BTLA: variants seen among roughly 807,000 people sequenced by gnomAD.
BTLA encodes B- and T-lymphocyte attenuator.
In BTLA, 11 loss-of-function variants were observed where a neutral mutation model predicts 25.0. The observed-to-expected ratio is 0.44, with a 90% confidence interval of 0.28 to 0.73. The LOEUF (loss-of-function observed/expected upper bound fraction) is 0.73. Ranked by LOEUF, BTLA falls within the 30% of genes least tolerant of loss-of-function variation. BTLA has a pLI of 0.15. For synonymous variants in BTLA, 104 were observed against 119.8 expected (o/e 0.87, Z 0.86); for missense variants, 282 against 332.8 (o/e 0.85, Z 1.19).
chr3:112,499,340 T>C lies in BTLA; in HGVS notation c.19A>G (p.Met7Val). 6.2e-7 allele frequency: 1 copy of C among 1,613,778 alleles called. No homozygotes were observed. The highest frequency in any genetic ancestry group is 1.1e-5 in the South Asian group (1 of 91,042). Reference protein sequence around the residue: MKTLPAMLGTGKLFWVF... With the variant: MKTLPAVLGTGKLFWVF... ...CAAAATAATTTCCCAGTTCCAAGCA[T>C]GGCAGGCAATGTCTTCATTTCCTGC... is the stretch of plus-strand genomic sequence containing the variant. Residue 7 changes from methionine to valine, a missense_variant, in exon 1 of 5, where the codon ATG becomes GTG. Met to Val is a conservative substitution (Grantham distance 21, BLOSUM62 1). Coordinates refer to ENST00000334529, the MANE Select transcript of BTLA (RefSeq NM_181780.4).
chr3:112,471,732 G>T (rs1358023499), intron 2 of BTLA, among the ~76,000 whole-genome samples: 1 of 152,174 alleles, frequency 6.6e-6, no homozygotes, highest in Non-Finnish European at 1.5e-5. Flanking sequence ...GTTGCTCCAA[G>T]TCAGATAGCT....
chr3:112,479,778 TAAAAAC>T lies in BTLA; in HGVS notation c.89-15_89-10del, dbSNP rs1481788665. The T allele has an allele frequency of 3.2e-6, 5 of 1,563,448 alleles. No homozygotes were observed. Among genetic ancestry groups the T allele is most frequent in the East Asian group, 2.3e-5 (1 of 44,312 alleles). ...ATCACATGATTCTTTCCCTAAAAGA[TAAAAAC>T]AAAACTAAAATCAAATATGTTCTTC... On this transcript the variant is annotated splice_polypyrimidine_tract_variant and intron_variant, in intron 1 of 4. Coordinates refer to ENST00000334529, the MANE Select transcript of BTLA (RefSeq NM_181780.4).
intron 4 of BTLA, 70 bp downstream of exon 4, chr3:112,469,688 T>C: frequency 1.6e-6 from 2 of 1,224,678 alleles, no homozygotes; most frequent in Non-Finnish European, 2.3e-6. Flanking sequence ...GTTATATAAA[T>C]TCATTGAATA....
intron 1 of BTLA, among the ~76,000 whole-genome samples, chr3:112,495,520 T>A (rs532708800): frequency 6.6e-6 from 1 of 152,330 alleles, no homozygotes; most frequent in African/African-American, 2.4e-5. Context: ...AGGAAAAGTA[T>A]ATTCAAGGCT....
chr3:112,481,538 C>G (rs558751592), intron 1 of BTLA, among the ~76,000 whole-genome samples: 8 of 152,316 alleles, frequency 5.3e-5, no homozygotes, highest in Non-Finnish European at 8.8e-5. Context: ...GGGCAGCAAG[C>G]CTGTAAAGGG....
chr3:112,475,665 G>A lies in BTLA; in HGVS notation c.403+3790C>T, dbSNP rs933644148. On this transcript the variant is annotated intron_variant, in intron 2 of 4. Coordinates refer to ENST00000334529, the MANE Select transcript of BTLA (RefSeq NM_181780.4). ...AACTTCTGACCTTTCATCTGACCTT[G>A]GCTAAATTCATGTCTCGTATAGAAG... is the stretch of plus-strand genomic sequence containing the variant. Among the ~76,000 whole-genome samples the A allele has an allele frequency of 2.6e-5, 4 of 152,048 alleles. 1 individual carries two copies. The highest frequency in any genetic ancestry group is 9.7e-5 in the African/African-American group (4 of 41,402).
intron 3 of BTLA, among the ~76,000 whole-genome samples, chr3:112,470,649 C>A (rs2107310436): frequency 6.6e-6 from 1 of 152,262 alleles, no homozygotes; most frequent in East Asian, 1.9e-4. Context: ...CACACCATTC[C>A]CATCATAGCC....
intron 4 of BTLA, among the ~76,000 whole-genome samples, chr3:112,468,900 T>C (rs1353261141): frequency 6.6e-6 from 1 of 152,162 alleles, no homozygotes; most frequent in Non-Finnish European, 1.5e-5. Flanking sequence ...TGCCATTTAA[T>C]ATTATATATA....
intron 1 of BTLA, among the ~76,000 whole-genome samples, chr3:112,493,616 C>G (rs2082392230): frequency 6.6e-6 from 1 of 152,172 alleles, no homozygotes; most frequent in African/African-American, 2.4e-5. Context: ...GCAATTCTGC[C>G]TCAGCCTCCC....
At chr3:112,487,344 G>A (rs2082353928) in intron 1 of BTLA, among the ~76,000 whole-genome samples, 1 of 152,182 alleles carries the variant, frequency 6.6e-6, no homozygotes, top group Non-Finnish European at 1.5e-5. Flanking sequence ...CAGCACTTTG[G>A]GAGGCCAGGG....
Position 112,466,099 on chromosome 3 carries a change from G to T in BTLA, c.*9C>A. The T allele has an allele frequency of 6.4e-7, 1 of 1,572,654 alleles. No homozygotes were observed. The highest frequency in any genetic ancestry group is 1.2e-5 in the South Asian group (1 of 85,722). On this transcript the variant is annotated 3_prime_UTR_variant, in exon 5 of 5. Transcript: ENST00000334529. ...CATTCAATGGTCCCTGTTGGAGTCA[G>T]AAACAGACTTAACTCCTCACACATA...
chr3:112,474,452 T>G (rs1352118564), intron 2 of BTLA, among the ~76,000 whole-genome samples: 1 of 151,810 alleles, frequency 6.6e-6, no homozygotes, highest in East Asian at 1.9e-4. Flanking sequence ...ACACAGAGTT[T>G]AAATTAAAGT....
At chr3:112,494,625 GC>G (rs1343712702) in intron 1 of BTLA, among the ~76,000 whole-genome samples, 2 of 152,194 alleles carry the variant, frequency 1.3e-5, no homozygotes, top group African/African-American at 4.8e-5. Flanking sequence ...GAAGCTGGAA[GC>G]CATCATCCTA....
intron 3 of BTLA, chr3:112,470,555 A>G (rs2082256523): frequency 6.6e-6 from 1 of 152,242 alleles, no homozygotes; most frequent in African/African-American, 2.4e-5. Flanking sequence ...AGAATTCTCT[A>G]TGCTTTCCTC....
In BTLA at chr3:112,464,072, C is replaced by A. The variant is rs891796109; in HGVS notation, c.*2036G>T. On this transcript the variant is annotated 3_prime_UTR_variant, in exon 5 of 5. Transcript: ENST00000334529. ...TATCTACATATTCTTTTTCTCAAAC[C>A]CTCTATAAACTAATGAAATAAGCCA... The A allele has an allele frequency of 1.3e-4, 50 of 397,388 alleles. No homozygotes were observed. The highest frequency in any genetic ancestry group is 3.1e-4 in the Admixed American group (7 of 22,694). The allele number at this position is 397,388 out of a possible 1,614,324, so 24.6% of individuals were successfully genotyped here. A position where few individuals can be genotyped will look rare whatever the true frequency, so the allele number is the denominator to read the frequency against.
At chr3:112,484,896 A>G (rs2082338048) in intron 1 of BTLA, among the ~76,000 whole-genome samples, 1 of 152,224 alleles carries the variant, frequency 6.6e-6, no homozygotes, top group South Asian at 2.1e-4. Context: ...TGATGAATGT[A>G]GGCTTGCAAG....
At chr3:112,472,123 A>T (rs993464978) in intron 2 of BTLA, among the ~76,000 whole-genome samples, 1 of 152,170 alleles carries the variant, frequency 6.6e-6, no homozygotes, top group Non-Finnish European at 1.5e-5. Flanking sequence ...TTTGGCTGTA[A>T]CAAGGTAGGG....
intron 2 of BTLA, among the ~76,000 whole-genome samples, chr3:112,476,406 A>G (rs1029786847): frequency 6.6e-6 from 1 of 152,242 alleles, no homozygotes; most frequent in African/African-American, 2.4e-5. Context: ...AGGGAGTTGA[A>G]AGACACTCAA....
chr3:112,464,116 A>G lies in BTLA; in HGVS notation c.*1992T>C, dbSNP rs1193774069. On this transcript the variant is annotated 3_prime_UTR_variant, in exon 5 of 5. Coordinates refer to ENST00000334529, the MANE Select transcript of BTLA (RefSeq NM_181780.4). ...TAAGCCATGTAAATAATAGTGAAGT[A>G]GAGTCATTTGGGAAAATGCATGTAT... 1 of 398,064 alleles carries G rather than the reference A, an allele frequency of 2.5e-6. No individual in the cohort carries two copies. The highest frequency in any genetic ancestry group is 4.4e-6 in the Non-Finnish European group (1 of 225,728). 24.7% of individuals were successfully genotyped at this position (398,064 alleles called of 1,614,324 possible).
Sources: gnomAD v4.1 joint callset for allele counts (sites outside exome capture counted in the v4.1 genomes callset) on GRCh38, gnomAD v4.1.1 for gene constraint, MANE v1.5 for transcripts, NCBI Gene and HGNC (gene_info 2026-07-23, HGNC 2026-07-21) for gene names.